CMTM8: variants seen among roughly 807,000 people sequenced by gnomAD.
CMTM8 encodes the protein CKLF like MARVEL transmembrane domain containing 8.
In CMTM8, 12 loss-of-function variants were observed where a neutral mutation model predicts 18.6. The ratio of observed to expected loss-of-function variants is 0.65; its 90% CI spans 0.41 to 1.05. The LOEUF (loss-of-function observed/expected upper bound fraction) is 1.05. Ranked by LOEUF, CMTM8 falls within the 50% of genes least tolerant of loss-of-function variation. The probability of loss-of-function intolerance (pLI) is 0.00; values close to 1 mark genes in which losing one functional copy is unlikely to be tolerated. For missense variants in CMTM8, 217 were observed against 227.2 expected (o/e 0.95, Z 0.29); for synonymous variants, 87 against 90.6 (o/e 0.96, Z 0.23).
intron 1 of CMTM8, among the ~76,000 whole-genome samples, chr3:32,253,344 C>CT (rs151296321): frequency 0.54 from 71,046 of 132,084 alleles, 19,354 homozygotes; most frequent in Middle Eastern, 0.65. Context: ...GTCCCTTTAT[C>CT]TTTTTTTTTT....
chr3:32,319,588 G>A (rs1696004140), intron 1 of CMTM8, among the ~76,000 whole-genome samples: 1 of 152,108 alleles, frequency 6.6e-6, no homozygotes. Context: ...GCTCTCTAGA[G>A]AATTACTTCC....
At chr3:32,298,438 C>T (rs1394632555) in intron 1 of CMTM8, among the ~76,000 whole-genome samples, 6 of 139,086 alleles carry the variant, frequency 4.3e-5, no homozygotes, top group African/African-American at 8.0e-5. Context: ...ACATACCCCC[C>T]TTTTTTTTTT....
intron 1 of CMTM8, among the ~76,000 whole-genome samples, chr3:32,354,510 T>G (rs1696775215): frequency 6.6e-6 from 1 of 152,188 alleles, no homozygotes; most frequent in South Asian, 2.1e-4. Flanking sequence ...AACTAGACAA[T>G]GCAGACCTGG....
rs912867189 is a variant in CMTM8 at position 32,346,206 on chromosome 3, G to A, written c.148-11167G>A. Reference sequence around the variant, plus strand: ...AGAAATCAGCTGACATCAGTAGGGTGGTCAAATACCTGTAGACCCAAAAGG... The same window carrying A: ...AGAAATCAGCTGACATCAGTAGGGTAGTCAAATACCTGTAGACCCAAAAGG... On this transcript the variant is annotated intron_variant, in intron 1 of 3. Coordinates refer to ENST00000307526, the MANE Select transcript of CMTM8 (RefSeq NM_178868.5). Among the ~76,000 whole-genome samples the A allele has an allele frequency of 2.0e-5, 3 of 152,226 alleles. No individual in the cohort carries two copies. The East Asian group carries it at 5.8e-4, about 29-fold the overall frequency.
At position 32,370,300 on chromosome 3, in the gene CMTM8, AT is replaced by A. The variant is rs1695622193; in HGVS notation, c.*335del. The A allele has an allele frequency of 6.2e-6, 1 of 161,796 alleles. No homozygotes were observed. The highest frequency in any genetic ancestry group is 1.4e-5 in the Non-Finnish European group (1 of 73,994). The allele number at this position is 161,796 out of a possible 1,614,324, so 10.0% of individuals were successfully genotyped here. A position where few individuals can be genotyped will look rare whatever the true frequency, so the allele number is the denominator to read the frequency against. On this transcript the variant is annotated 3_prime_UTR_variant, in exon 4 of 4. Transcript: ENST00000307526. The stretch of plus-strand genomic sequence containing the variant: ...TTTTAAGATGCCAGATTCTTTTTTG[AT>A]TAAATGTTGCAAAATCCCAAGTAAT...
At position 32,318,794 on chromosome 3, in the gene CMTM8, C is replaced by T. The variant is rs577418285; in HGVS notation, c.148-38579C>T. 5.3e-5 allele frequency among the ~76,000 whole-genome samples: 8 copies of T among 151,120 alleles called. No homozygotes were observed. The South Asian group carries it at 1.7e-3, about 32-fold the overall frequency. ...ATGTTAGCCAGGATGGTCTCGATCT[C>T]CTGACCTCGTGATCCACCCGCCTCA... On this transcript the variant is annotated intron_variant, in intron 1 of 3. Transcript: ENST00000307526.
At chr3:32,268,359 C>G (rs535963628) in intron 1 of CMTM8, among the ~76,000 whole-genome samples, 9 of 152,150 alleles carry the variant, frequency 5.9e-5, no homozygotes, top group Admixed American at 2.6e-4. Context: ...AAACCAAACA[C>G]CGCATGTTCT....
chr3:32,319,886 G>A (rs1228167605), intron 1 of CMTM8, among the ~76,000 whole-genome samples: 1 of 152,188 alleles, frequency 6.6e-6, no homozygotes, highest in Non-Finnish European at 1.5e-5. Flanking sequence ...TAACATAAAA[G>A]TCTTTGGGGG....
chr3:32,353,754 G>A (rs547826042), intron 1 of CMTM8, among the ~76,000 whole-genome samples: 12 of 151,000 alleles, frequency 7.9e-5, no homozygotes, highest in South Asian at 2.1e-4. Flanking sequence ...AGGGAAGGGC[G>A]TTGTCATTTC....
intron 1 of CMTM8, among the ~76,000 whole-genome samples, chr3:32,327,700 AT>A (rs1466623817): frequency 6.6e-6 from 1 of 152,208 alleles, no homozygotes; most frequent in African/African-American, 2.4e-5. Flanking sequence ...TAGAAATTTC[AT>A]TTTTTATGTG....
chr3:32,330,196 CATT>C (rs763022476), intron 1 of CMTM8, among the ~76,000 whole-genome samples: 1 of 77,662 alleles, frequency 1.3e-5, no homozygotes, highest in Admixed American at 1.7e-4. Context: ...ATCCCAGTGG[CATT>C]TTTTTTTTTT....
At chr3:32,280,846 CAAAA>C (rs60845487) in intron 1 of CMTM8, among the ~76,000 whole-genome samples, 18 of 68,138 alleles carry the variant, frequency 2.6e-4, no homozygotes, top group Middle Eastern at 0.01. Context: ...AGAAAATAGG[CAAAA>C]AAAAAAAAAA....
chr3:32,291,653 T>C (rs2125556596), intron 1 of CMTM8, among the ~76,000 whole-genome samples: 1 of 152,224 alleles, frequency 6.6e-6, no homozygotes, highest in East Asian at 1.9e-4. Context: ...CAGGGATGAG[T>C]AGTAGCCACT....
At position 32,370,069 on chromosome 3, in the gene CMTM8, T is replaced by C. The variant is rs1017777776; in HGVS notation, c.*102T>C. 1 of 599,926 alleles carries C rather than the reference T, an allele frequency of 1.7e-6. No homozygotes were observed. The highest frequency in any genetic ancestry group is 2.8e-6 in the Non-Finnish European group (1 of 359,706). The allele number at this position is 599,926 out of a possible 1,614,324, so 37.2% of individuals were successfully genotyped here. On this transcript the variant is annotated 3_prime_UTR_variant, in exon 4 of 4. Transcript: ENST00000307526. Reference sequence around the variant, plus strand: ...TCCCAGAGAATTGTATTTAACTAATTAATGTTTTTTATATTCTTAAATTTG... The same window carrying C: ...TCCCAGAGAATTGTATTTAACTAATCAATGTTTTTTATATTCTTAAATTTG...
chr3:32,346,812 T>C (rs1225829000), intron 1 of CMTM8, among the ~76,000 whole-genome samples: 1 of 90,936 alleles, frequency 1.1e-5, no homozygotes, highest in African/African-American at 3.4e-5. Flanking sequence ...CATGTTATAA[T>C]TCTTTTTTTT....
chr3:32,360,627 C>T (rs938390654), intron 2 of CMTM8, among the ~76,000 whole-genome samples: 1 of 152,216 alleles, frequency 6.6e-6, no homozygotes, highest in East Asian at 1.9e-4. Context: ...GCCCAACTGT[C>T]GTGTCCCAGC....
chr3:32,268,171 G>A (rs4327426), intron 1 of CMTM8, among the ~76,000 whole-genome samples: 149,082 of 152,278 alleles, frequency 0.98, 73,054 homozygotes, highest in East Asian at 1. Flanking sequence ...ACTATTCACA[G>A]TAGCAAAGAC....
intron 1 of CMTM8, among the ~76,000 whole-genome samples, chr3:32,328,538 G>A (rs1696210869): frequency 6.8e-6 from 1 of 147,820 alleles, no homozygotes. Context: ...CAACAGAGCA[G>A]GACCAAAAAA....
intron 1 of CMTM8, among the ~76,000 whole-genome samples, chr3:32,331,259 A>G (rs921794929): frequency 6.6e-6 from 1 of 152,230 alleles, no homozygotes; most frequent in Non-Finnish European, 1.5e-5. Flanking sequence ...TCAAAACCAT[A>G]ATGAGCTATT....
Sources: allele counts gnomAD v4.1 joint callset (sites outside exome capture counted in the v4.1 genomes callset), GRCh38; gene constraint gnomAD v4.1.1; transcripts MANE v1.5; gene names NCBI Gene and HGNC (gene_info 2026-07-23, HGNC 2026-07-21).